Variants in FANCC observed in about 807,000 individuals in gnomAD.
FANCC encodes the protein FA complementation group C, also known as Fanconi anemia group C protein.
A neutral mutation model predicts 71.3 loss-of-function variants in FANCC; 55 were observed. The observed-to-expected ratio is 0.77, with a 90% CI of 0.62 to 0.97. The LOEUF (loss-of-function observed/expected upper bound fraction) is 0.97, where lower values mean the gene tolerates loss of function less well. Among genes scored for constraint, FANCC ranks in the 50% least tolerant of loss-of-function variants. FANCC has a pLI of 0.00. For synonymous variants in FANCC, 275 were observed against 244.9 expected, an observed-to-expected ratio of 1.12 and a Z score of -1.15; for missense variants, 678 against 670.9, an observed-to-expected ratio of 1.01 and a Z score of -0.12.
Position 95,191,121 on chromosome 9 carries a change from T to C in FANCC, c.346-18974A>G, listed in dbSNP as rs529701955. Among the ~76,000 whole-genome samples, 9 of 152,212 alleles carry C rather than the reference T, an allele frequency of 5.9e-5. No homozygotes were observed. In the South Asian group the frequency reaches 1.7e-3, roughly 28 times the overall value. Reference sequence around the variant, plus strand: ...GACCATGAGATTTTGTACAGTCCCATGATTGTGGATGCCATTTCTATGCTG... The same window carrying C: ...GACCATGAGATTTTGTACAGTCCCACGATTGTGGATGCCATTTCTATGCTG... On this transcript the variant is annotated intron_variant, in intron 4 of 14. Transcript: ENST00000289081.
At chr9:95,154,871 A>G (rs1422403596) in intron 6 of FANCC, among the ~76,000 whole-genome samples, 1 of 152,080 alleles carries the variant, frequency 6.6e-6, no homozygotes, top group Non-Finnish European at 1.5e-5. Context: ...TAAAACTTTT[A>G]AAAAACTAAA....
Position 95,117,363 on chromosome 9 carries a change from G to T in FANCC, c.1024C>A (p.Pro342Thr). 6.2e-7 allele frequency: 1 copy of T among 1,614,072 alleles called. No homozygotes were observed. Among genetic ancestry groups the T allele is most frequent in the African/African-American group, 1.3e-5 (1 of 75,038 alleles). ...QLRFALKTYF[P>T]YTSPSLAMVL... Reference sequence around the variant, plus strand: ...ATGGCAAGAGATGGAGAAGTGTAAGGAAAGTAGGTCTTGAGTGCAAACCGC... The same window carrying T: ...ATGGCAAGAGATGGAGAAGTGTAAGTAAAGTAGGTCTTGAGTGCAAACCGC... Residue 342 changes from proline (P) to threonine (T), a missense_variant, in exon 11 of 15, where the codon CCT (proline) becomes ACT (threonine). Coordinates refer to ENST00000289081, the MANE Select transcript of FANCC (RefSeq NM_000136.3).
At chr9:95,251,756 T>G (rs1831342977) in intron 1 of FANCC, among the ~76,000 whole-genome samples, 1 of 152,232 alleles carries the variant, frequency 6.6e-6, no homozygotes. Context: ...TACACTATGC[T>G]CTTGGCAATA....
At chr9:95,254,504 G>A (rs1831538427) in intron 1 of FANCC, among the ~76,000 whole-genome samples, 1 of 152,216 alleles carries the variant, frequency 6.6e-6, no homozygotes, top group Non-Finnish European at 1.5e-5. Flanking sequence ...CTAACCAAGG[G>A]AAGCCGTGAG....
In FANCC at chr9:95,314,287, T is replaced by C. The variant is rs537032779; in HGVS notation, c.-79+3239A>G. On this transcript the variant is annotated intron_variant, in intron 1 of 14. Transcript: ENST00000289081. ...ATGTTTATATACTGACAACAATCCA[T>C]AATGAAATTTTAAAAATAATTCGGC... 1.1e-4 allele frequency among the ~76,000 whole-genome samples: 16 copies of C among 152,366 alleles called. No homozygotes were observed. In the South Asian group the frequency reaches 3.3e-3, roughly 32 times the overall value.
intron 6 of FANCC, among the ~76,000 whole-genome samples, chr9:95,164,846 TAAGA>T (rs538907824): frequency 1.3e-5 from 2 of 152,284 alleles, no homozygotes; most frequent in South Asian, 2.1e-4. Context: ...TGGAAGACTT[TAAGA>T]AAGACTGGTG....
Position 95,172,106 on chromosome 9 carries a change from T to C in FANCC, c.387A>G (p.Lys129=), listed in dbSNP as rs1200759729. The change falls in exon 5 of 15, where the codon AAA becomes AAG. Residue 129 remains lysine, a synonymous_variant. Transcript: ENST00000289081. The stretch of plus-strand genomic sequence containing the variant: ...GACCTTGAGTGAAAAGAGCAACTTC[T>C]TTATCAAATCTGAGTGCTGAAAGTA... ...SHILSALRFD[K]EVALFTQGLG... 1 of 1,613,122 alleles carries C rather than the reference T, an allele frequency of 6.2e-7. No individual in the cohort carries two copies. Among genetic ancestry groups the C allele is most frequent in the Non-Finnish European group, 8.5e-7 (1 of 1,179,328 alleles).
At chr9:95,181,153 T>C (rs1012884860) in intron 4 of FANCC, among the ~76,000 whole-genome samples, 2 of 93,788 alleles carry the variant, frequency 2.1e-5, no homozygotes, top group African/African-American at 4.2e-5. Flanking sequence ...CACACACACG[T>C]ACACATTGTG....
At chr9:95,194,948 C>T (rs926289647) in intron 4 of FANCC, among the ~76,000 whole-genome samples, 3 of 152,126 alleles carry the variant, frequency 2.0e-5, no homozygotes, top group African/African-American at 7.2e-5. Context: ...GCCTGTAATC[C>T]CAGCACTTTG....
chr9:95,150,495 C>T (rs983058030), intron 6 of FANCC, among the ~76,000 whole-genome samples: 4 of 152,152 alleles, frequency 2.6e-5, no homozygotes, highest in Admixed American at 6.5e-5. Flanking sequence ...CTCTTCTGAA[C>T]ACCTCCATCA....
chr9:95,108,314 C>T (rs1011936106), intron 13 of FANCC, among the ~76,000 whole-genome samples: 27 of 152,360 alleles, frequency 1.8e-4, no homozygotes, highest in African/African-American at 5.0e-4. Context: ...ACTCTCCCCA[C>T]CTCGCCCCTC....
intron 1 of FANCC, among the ~76,000 whole-genome samples, chr9:95,304,275 AGAAAG>A (rs1050534719): frequency 2.6e-5 from 4 of 152,216 alleles, no homozygotes; most frequent in Non-Finnish European, 5.9e-5. Context: ...CCCAATATCA[AGAAAG>A]GAGAGAAGGA....
rs367745286 is a variant in FANCC, at chr9:95,250,736, T to C, written c.-78-1367A>G. Among the ~76,000 whole-genome samples the C allele has an allele frequency of 1.8e-4, 28 of 152,356 alleles. No individual in the cohort carries two copies. The East Asian group carries it at 2.5e-3, about 14-fold the overall frequency. ...ATGTGTGTGATCCGACTTGACTGCA[T>C]GCACTTCCTTCCACCTCATTGCCAC... is the stretch of plus-strand genomic sequence containing the variant. On this transcript the variant is annotated intron_variant, in intron 1 of 14. Coordinates refer to ENST00000289081, the MANE Select transcript of FANCC (RefSeq NM_000136.3).
chr9:95,200,625 G>T (rs1202909580), intron 4 of FANCC, among the ~76,000 whole-genome samples: 1 of 152,124 alleles, frequency 6.6e-6, no homozygotes, highest in Non-Finnish European at 1.5e-5. Context: ...TCTATAACAT[G>T]GAGATAATTA....
intron 7 of FANCC, among the ~76,000 whole-genome samples, chr9:95,139,031 CT>C (rs1468804295): frequency 2.6e-5 from 4 of 152,168 alleles, no homozygotes; most frequent in Non-Finnish European, 4.4e-5. Flanking sequence ...GTAATCACCC[CT>C]GAATGAAGGA....
chr9:95,230,835 ATTTTACAGAGTGCTGATTGGTCCAT>A (rs1460493862), intron 4 of FANCC, among the ~76,000 whole-genome samples: 2 of 152,016 alleles, frequency 1.3e-5, no homozygotes, highest in Non-Finnish European at 2.9e-5. Context: ...TGATTAGTCC[ATTTTACAGAGTGCTGATTGGTCCAT>A]TTTTACAGAG....
intron 1 of FANCC, among the ~76,000 whole-genome samples, chr9:95,261,866 G>A (rs914245659): frequency 1.6e-4 from 25 of 152,194 alleles, no homozygotes; most frequent in African/African-American, 6.0e-4. Flanking sequence ...TTCCTGCCAG[G>A]TGGGAGCGGA....
At position 95,227,807 on chromosome 9, in the gene FANCC, ATTC is replaced by A. The variant is rs756180860; in HGVS notation, c.345+12839_345+12841del. ...CTAACATTTGATTAATGAGATGGCC[ATTC>A]TTCTTATCATTAGCAAGAAGAACGT... is the stretch of plus-strand genomic sequence containing the variant. On this transcript the variant is annotated intron_variant, in intron 4 of 14. Coordinates refer to ENST00000289081, the MANE Select transcript of FANCC (RefSeq NM_000136.3). 3.9e-5 allele frequency among the ~76,000 whole-genome samples: 6 copies of A among 152,184 alleles called. No homozygotes were observed. The East Asian group carries it at 1.2e-3, about 29-fold the overall frequency.
intron 4 of FANCC, among the ~76,000 whole-genome samples, chr9:95,196,215 T>C (rs1406315795): frequency 1.3e-5 from 2 of 152,208 alleles, no homozygotes; most frequent in Non-Finnish European, 2.9e-5. Flanking sequence ...CACTATTAAA[T>C]ATGATATTCA....
Sources: gnomAD v4.1 joint callset for allele counts (sites outside exome capture counted in the v4.1 genomes callset) on GRCh38, gnomAD v4.1.1 for gene constraint, MANE v1.5 for transcripts, NCBI Gene and HGNC (gene_info 2026-07-23, HGNC 2026-07-21) for gene names.